The following PPM1J variants were observed in gnomAD, a reference collection of about 807,000 sequenced individuals.
The protein encoded by PPM1J is protein phosphatase 1J.
Under a neutral mutation model 53.3 loss-of-function variants are expected in PPM1J, and 43 were observed. That is an observed-to-expected ratio of 0.81 (90% confidence interval 0.63 to 1.04). The LOEUF is 1.04. Among genes scored for constraint, PPM1J ranks in the 50% least tolerant of loss-of-function variants. PPM1J has a pLI of 0.00. For missense variants in PPM1J, 635 were observed against 685.9 expected (o/e 0.93, Z 0.83); for synonymous variants, 267 against 286.4 (o/e 0.93, Z 0.68).
At position 112,715,123 on chromosome 1, in the gene PPM1J, G is replaced by A. The variant is rs759721390; in HGVS notation, c.179C>T (p.Ala60Val). ...AGSGSATPAKAVEARASFSRP... is the reference protein window; with the variant it reads ...AGSGSATPAKVVEARASFSRP... ...GGAGAAGCTCGCTCGAGCCTCAACAGCCTTCGCGGGCGTCGCGCTCCCGCT... is the reference window on the plus strand; with the variant it reads ...GGAGAAGCTCGCTCGAGCCTCAACAACCTTCGCGGGCGTCGCGCTCCCGCT... The change falls in exon 1 of 10, where the codon GCT becomes GTT. Residue 60 changes from alanine to valine, a missense_variant. Ala to Val is a moderately conservative substitution (Grantham distance 64, BLOSUM62 0). Transcript: ENST00000309276. The surrounding 1 kb of genome is among the most constrained non-coding windows in gnomAD (Gnocchi z 4.4). 6.4e-7 allele frequency: 1 copy of A among 1,553,394 alleles called. No homozygotes were observed. The highest frequency in any genetic ancestry group is 8.6e-7 in the Non-Finnish European group (1 of 1,160,170).
rs761530796 is a variant in PPM1J, at chr1:112,711,094, G to C, written c.1047-23C>G. 23 of 1,610,156 alleles carry C rather than the reference G, an allele frequency of 1.4e-5. No homozygotes were observed. The South Asian group carries it at 2.3e-4, about 16-fold the overall frequency. On this transcript the variant is annotated intron_variant, in intron 6 of 9. Transcript: ENST00000309276. ...GCCCTGGGGAGGGGGGAGTAGAGGA[G>C]GCATCACCCAGGCATCAAAGCCCCT...
chr1:112,711,084 G>A lies in PPM1J; in HGVS notation c.1047-13C>T. 3.7e-6 allele frequency: 6 copies of A among 1,612,916 alleles called. No individual in the cohort carries two copies. Among genetic ancestry groups the A allele is most frequent in the Admixed American group, 1.7e-5 (1 of 60,014 alleles). On this transcript the variant is annotated splice_polypyrimidine_tract_variant and intron_variant, in intron 6 of 9. Coordinates refer to ENST00000309276, the MANE Select transcript of PPM1J (RefSeq NM_005167.7). ...CTTTTTGTAGGCCCTGGGGAGGGGG[G>A]AGTAGAGGAGGCATCACCCAGGCAT...
In PPM1J at chr1:112,711,286, C is replaced by T; in HGVS notation, c.1026G>A (p.Arg342=). 6.2e-7 allele frequency: 1 copy of T among 1,608,498 alleles called. No individual in the cohort carries two copies. Among genetic ancestry groups the T allele is most frequent in the Non-Finnish European group, 8.5e-7 (1 of 1,177,168 alleles). ...PKELGQRMLY[R]DQNMTGWAYK... ...GTTACCAGCCGGTCATGTTCTGGTC[C>T]CGGTACAACATCCTCTGCCCCAGCT... The change falls in exon 6 of 10, where the codon CGG becomes CGA. Residue 342 remains arginine, a synonymous_variant. Transcript: ENST00000309276.
rs1184217464 is a variant in PPM1J, at chr1:112,712,895, G to A, written c.578C>T (p.Pro193Leu). ...DLVEILQDPS[P>L]PPLCLPTTPG... Reference sequence around the variant, plus strand: ...AGTGGTTGGGAGGCAGAGGGGTGGTGGCGAAGGGTCCTGAAGTATCTCTAC... The same window carrying A: ...AGTGGTTGGGAGGCAGAGGGGTGGTAGCGAAGGGTCCTGAAGTATCTCTAC... The change falls in exon 3 of 10, where the codon CCA becomes CTA. Residue 193 changes from proline (P) to leucine (L), a missense_variant. Transcript: ENST00000309276. 1 of 1,613,928 alleles carries A rather than the reference G, an allele frequency of 6.2e-7. No individual in the cohort carries two copies. Among genetic ancestry groups the A allele is most frequent in the Non-Finnish European group, 8.5e-7 (1 of 1,180,040 alleles).
At chr1:112,713,335 A>G (rs1480075437) in intron 2 of PPM1J, among the ~76,000 whole-genome samples, 162 bp downstream of exon 2, 3 of 152,202 alleles carry the variant, frequency 2.0e-5, no homozygotes, top group Non-Finnish European at 4.4e-5. Flanking sequence ...TCATGCTTAC[A>G]TGGTAGAATC....
rs768080054 is a variant in PPM1J at position 112,711,387 on chromosome 1, G to C, written c.928-3C>G. Reference sequence around the variant, plus strand: ...AGCAGCTCTGGTTTCAGGAAGCCCTGGAGTTGGGGATGATCAGAACAGAGA... The same window carrying C: ...AGCAGCTCTGGTTTCAGGAAGCCCTCGAGTTGGGGATGATCAGAACAGAGA... On this transcript the variant is annotated splice_polypyrimidine_tract_variant and splice_region_variant and intron_variant, in intron 5 of 9. Transcript: ENST00000309276. 4 of 1,580,858 alleles carry C rather than the reference G, an allele frequency of 2.5e-6. No homozygotes were observed. In the South Asian group the frequency reaches 4.6e-5, roughly 18 times the overall value.
At chr1:112,713,150 C>T (rs1257446125) in intron 2 of PPM1J, 119 bp from the exon 3 acceptor site, 2 of 973,554 alleles carry the variant, frequency 2.1e-6, no homozygotes, top group East Asian at 5.2e-5. Flanking sequence ...TCTGAGAGGT[C>T]AGTGTTTGCT....
intron 1 of PPM1J, chr1:112,714,341 A>T: frequency 1.0e-6 from 1 of 985,538 alleles, no homozygotes; most frequent in Non-Finnish European, 1.2e-6. Flanking sequence ...CCCGGGGGCC[A>T]GCCGGCCGCT....
chr1:112,714,453 C>T (rs1675145680), intron 1 of PPM1J: 21 of 986,164 alleles, frequency 2.1e-5, no homozygotes, highest in Non-Finnish European at 2.3e-5. Flanking sequence ...CCTCCCCGCT[C>T]CTGGGGAAGC....
At chr1:112,712,661 C>A in intron 3 of PPM1J, 83 bp downstream of exon 3, 1 of 1,428,344 alleles carries the variant, frequency 7.0e-7, no homozygotes, top group Non-Finnish European at 9.6e-7. Context: ...GTTGTGGGTT[C>A]TCAGGGTAAC....
intron 4 of PPM1J, 41 bp downstream of exon 4, chr1:112,712,304 T>C: frequency 2.1e-6 from 3 of 1,432,152 alleles, no homozygotes; most frequent in South Asian, 1.2e-5. Context: ...ACTCAGAGAG[T>C]GTGGCCCTCT....
chr1:112,713,898 A>G (rs578116571), intron 1 of PPM1J, among the ~76,000 whole-genome samples: 1 of 152,024 alleles, frequency 6.6e-6, no homozygotes, highest in Admixed American at 6.5e-5. Context: ...AAAAAAAAAG[A>G]AAAAAGAAAA....
chr1:112,713,667 C>G, intron 1 of PPM1J, 56 bp from the exon 2 acceptor site: 1 of 1,369,752 alleles, frequency 7.3e-7, no homozygotes, highest in South Asian at 1.2e-5. Context: ...CCTGGAATAA[C>G]CCCCACCTTA....
At position 112,711,990 on chromosome 1, in the gene PPM1J, C is replaced by A; in HGVS notation, c.908G>T (p.Arg303Leu). ...MSREFTPETE[R>L]QRLQLLGFLK... is the part of the protein sequence containing the mutation. The stretch of plus-strand genomic sequence containing the variant: ...ACTTACAAGCAGCTGAAGACGCTGG[C>A]GCTCAGTCTCCGGGGTAAACTCCCG... Residue 303 changes from arginine (R) to leucine (L), a missense_variant, in exon 5 of 10, where the codon CGC becomes CTC. Coordinates refer to ENST00000309276, the MANE Select transcript of PPM1J (RefSeq NM_005167.7). 1 of 1,607,384 alleles carries A rather than the reference C, an allele frequency of 6.2e-7. No homozygotes were observed. The highest frequency in any genetic ancestry group is 8.5e-7 in the Non-Finnish European group (1 of 1,175,128).
In PPM1J at chr1:112,711,220, G is replaced by T. The variant is rs185484976; in HGVS notation, c.1046+46C>A. 208 of 1,514,504 alleles carry T rather than the reference G, an allele frequency of 1.4e-4. 1 individual carries two copies. The African/African-American group carries it at 2.5e-3, about 19-fold the overall frequency. 93.8% of individuals were successfully genotyped at this position (1,514,504 alleles called of 1,614,324 possible). ...CCACCTTGCTGCGGGCGAGGGACTG[G>T]TTGTGTTGCCATGGGAACGGGCCCC... On this transcript the variant is annotated intron_variant, in intron 6 of 9. Transcript: ENST00000309276.
chr1:112,714,034 C>T, intron 1 of PPM1J: 1 of 1,057,466 alleles, frequency 9.5e-7, no homozygotes, highest in Non-Finnish European at 1.1e-6. Context: ...GTCCCCAGCA[C>T]CTCATCCTCA....
intron 5 of PPM1J, 69 bp downstream of exon 5, chr1:112,711,902 G>T: frequency 8.9e-7 from 1 of 1,120,766 alleles, no homozygotes; most frequent in Non-Finnish European, 1.3e-6. Context: ...AGAGTTCTCA[G>T]GGCCATGGGG....
Position 112,711,330 on chromosome 1 carries a change from G to C in PPM1J, c.982C>G (p.Arg328Gly), listed in dbSNP as rs771962023. The change falls in exon 6 of 10, where the codon CGC (arginine) becomes GGC (glycine). Residue 328 changes from arginine to glycine, a missense_variant. Arg to Gly is a moderately radical substitution (Grantham distance 125). Transcript: ENST00000309276. ...GSEFTHLEFP[R>G]RVLPKELGQR... The stretch of plus-strand genomic sequence containing the variant: ...CCCAGCTCCTTGGGCAGAACTCTGC[G>C]GGGGAACTCAAGGTGGGTGAATTCA... 2 of 1,607,180 alleles carry C rather than the reference G, an allele frequency of 1.2e-6. No homozygotes were observed. The highest frequency in any genetic ancestry group is 1.3e-5 in the African/African-American group (1 of 74,906).
chr1:112,713,071 TGTG>T, intron 2 of PPM1J, 40 bp from the exon 3 acceptor site: 2 of 1,323,220 alleles, frequency 1.5e-6, no homozygotes, highest in Non-Finnish European at 1.0e-6. Context: ...TGTTTGTGTG[TGTG>T]TGTGTGTGTG....
Sources: allele counts gnomAD v4.1 joint callset (sites outside exome capture counted in the v4.1 genomes callset), GRCh38; gene constraint gnomAD v4.1.1; non-coding constraint Gnocchi (gnomAD v3.1); transcripts MANE v1.5; gene names NCBI Gene and HGNC (gene_info 2026-07-23, HGNC 2026-07-21).